ITPR1: variants seen among roughly 807,000 people sequenced by gnomAD.
The protein encoded by ITPR1 is inositol 1,4,5-trisphosphate-gated calcium channel ITPR1.
In ITPR1, 96 loss-of-function variants were observed where a neutral mutation model predicts 318.4. The ratio of observed to expected loss-of-function variants is 0.30; its 90% confidence interval spans 0.26 to 0.36. ITPR1 has a LOEUF of 0.36. Ranked by LOEUF, ITPR1 falls within the 10% of genes least tolerant of loss-of-function variation. ITPR1 has a pLI of 1.00. For synonymous variants in ITPR1, 1,312 were observed against 1,289.9 expected (o/e 1.02, Z -0.37); for missense variants, 2,440 against 3,460.2 (o/e 0.71, Z 7.40).
intron 46 of ITPR1, among the ~76,000 whole-genome samples, chr3:4,769,360 G>C (rs939298474): frequency 6.6e-6 from 1 of 152,198 alleles, no homozygotes; most frequent in Non-Finnish European, 1.5e-5. Context: ...TGATGTGTGT[G>C]TCTTGTAGCC....
rs555436654 is a variant in ITPR1 at position 4,673,376 on chromosome 3, C to T, written c.2445C>T (p.Ile815=). 2.5e-6 allele frequency: 4 copies of T among 1,604,690 alleles called. No homozygotes were observed. Among genetic ancestry groups the T allele is most frequent in the East Asian group, 2.2e-5 (1 of 44,700 alleles). Residue 815 remains isoleucine, a synonymous_variant, in exon 21 of 62, where the codon ATC becomes ATT. Coordinates refer to ENST00000649015, the MANE Select transcript of ITPR1 (RefSeq NM_001378452.1). ...TCTGGTCGGAGATTCCCTCGGAGAT[C>T]GCCATTGACGAGTGAGCCTGGCACC... ...ARLWSEIPSE[I]AIDDYDSSGA... is the part of the protein sequence containing the mutation.
At chr3:4,767,355 C>G (rs2045885111) in intron 45 of ITPR1, among the ~76,000 whole-genome samples, 1 of 152,244 alleles carries the variant, frequency 6.6e-6, no homozygotes, top group Non-Finnish European at 1.5e-5. Context: ...ACCCCTACTC[C>G]CAGAATATCT....
Position 4,768,508 on chromosome 3 carries a change from T to C in ITPR1, c.5726-3T>C. ...CCTTTCATGCCTTATGCTTGCTTTC[T>C]AGCTAAAGAGCCCACAACACAGATA... On this transcript the variant is annotated splice_polypyrimidine_tract_variant and splice_region_variant and intron_variant, in intron 45 of 61. Transcript: ENST00000649015. 1 of 1,600,572 alleles carries C rather than the reference T, an allele frequency of 6.2e-7. No individual in the cohort carries two copies. The highest frequency in any genetic ancestry group is 8.5e-7 in the Non-Finnish European group (1 of 1,170,688).
intron 54 of ITPR1, among the ~76,000 whole-genome samples, chr3:4,801,854 C>G (rs186793392): frequency 2.6e-5 from 4 of 152,164 alleles, no homozygotes; most frequent in African/African-American, 9.6e-5. Flanking sequence ...GAGAAGAGTT[C>G]TTTGGTTTCG....
intron 2 of ITPR1, among the ~76,000 whole-genome samples, chr3:4,515,260 C>T (rs902626755): frequency 6.6e-6 from 1 of 152,212 alleles, no homozygotes; most frequent in African/African-American, 2.4e-5. Flanking sequence ...TCATGCTGAT[C>T]ATTGCTGCAT....
intron 49 of ITPR1, chr3:4,782,277 G>C (rs1481431794): frequency 5.8e-6 from 1 of 172,886 alleles, no homozygotes; most frequent in East Asian, 1.5e-4. Flanking sequence ...TGTTGAGATA[G>C]GAAAAGTCTG....
chr3:4,775,137 T>A, intron 46 of ITPR1, 105 bp from the exon 47 acceptor site: 2 of 840,496 alleles, frequency 2.4e-6, no homozygotes, highest in Non-Finnish European at 4.1e-6. Context: ...GGCATCTCTC[T>A]GTATAATTAC....
At chr3:4,684,860 T>A (rs1336451691) in intron 29 of ITPR1, among the ~76,000 whole-genome samples, 1 of 152,240 alleles carries the variant, frequency 6.6e-6, no homozygotes, top group Admixed American at 6.5e-5. Flanking sequence ...GTTGAAGCCA[T>A]AATCCCCTGC....
chr3:4,738,168 C>G (rs1469066138), intron 44 of ITPR1, among the ~76,000 whole-genome samples: 1 of 152,076 alleles, frequency 6.6e-6, no homozygotes, highest in East Asian at 1.9e-4. Flanking sequence ...GTGACACAAG[C>G]TTACCTATGT....
At chr3:4,534,238 G>A (rs2083660360) in intron 4 of ITPR1, among the ~76,000 whole-genome samples, 1 of 152,076 alleles carries the variant, frequency 6.6e-6, no homozygotes, top group Admixed American at 6.6e-5. Flanking sequence ...GTACCCAATG[G>A]GTAATTTTTC....
chr3:4,625,219 C>CTTT (rs200304497), intron 4 of ITPR1, among the ~76,000 whole-genome samples: 4 of 134,176 alleles, frequency 3.0e-5, no homozygotes, highest in Admixed American at 7.5e-5. Context: ...ATTAAGTGAT[C>CTTT]TTTTTTTTTT....
intron 2 of ITPR1, among the ~76,000 whole-genome samples, chr3:4,498,408 A>G (rs1277057259): frequency 6.6e-6 from 1 of 152,128 alleles, no homozygotes; most frequent in African/African-American, 2.4e-5. Context: ...TGTTTGTGAC[A>G]TGTTGGAGGA....
intron 60 of ITPR1, among the ~76,000 whole-genome samples, chr3:4,834,016 C>T (rs985809404): frequency 5.9e-5 from 9 of 152,178 alleles, no homozygotes; most frequent in South Asian, 2.1e-4. Flanking sequence ...CCCAGCTTCC[C>T]GAGTGGCTAG....
At chr3:4,669,594 G>T (rs1253597563) in intron 18 of ITPR1, 60 bp from the exon 19 acceptor site, 3 of 1,525,296 alleles carry the variant, frequency 2.0e-6, no homozygotes, top group East Asian at 2.5e-5. Context: ...AAGAATTGGG[G>T]TCCAGGAGCC....
chr3:4,526,794 T>C (rs1386001079), intron 4 of ITPR1, among the ~76,000 whole-genome samples: 2 of 152,318 alleles, frequency 1.3e-5, no homozygotes, highest in South Asian at 2.1e-4. Context: ...CAAACACTTA[T>C]TGGGTAGTTC....
At chr3:4,734,390 A>G (rs745962125) in intron 43 of ITPR1, among the ~76,000 whole-genome samples, 8 of 152,190 alleles carry the variant, frequency 5.3e-5, no homozygotes, top group Non-Finnish European at 1.2e-4. Context: ...TGTGCTATAG[A>G]TATAAGGACA....
chr3:4,618,877 G>A (rs547527403), intron 4 of ITPR1, among the ~76,000 whole-genome samples: 2 of 152,274 alleles, frequency 1.3e-5, no homozygotes, highest in African/African-American at 4.8e-5. Flanking sequence ...AACAAGGGTT[G>A]GCATTTGAGC....
intron 40 of ITPR1, among the ~76,000 whole-genome samples, chr3:4,719,845 T>G (rs971932451): frequency 2.0e-5 from 3 of 152,118 alleles, no homozygotes; most frequent in Non-Finnish European, 4.4e-5. Context: ...TTGTTTGTTT[T>G]TTGGCAAGCA....
chr3:4,782,644 T>A lies in ITPR1; in HGVS notation c.6413T>A (p.Met2138Lys). 1.2e-6 allele frequency: 2 copies of A among 1,607,222 alleles called. No homozygotes were observed. Among genetic ancestry groups the A allele is most frequent in the South Asian group, 2.2e-5 (2 of 89,808 alleles). ...GTGGAAGTGATCAAGAAAGCCTACA[T>A]GCAAGGTGAAGTGGAATTTGAGGAT... is the stretch of plus-strand genomic sequence containing the variant. ...ELVEVIKKAY[M>K]QGEVEFEDGE... Residue 2138 changes from methionine (M) to lysine (K), a missense_variant, in exon 50 of 62, where the codon ATG becomes AAG. Around this residue, in one of 23 missense-constraint regions of ITPR1, gnomAD observed 49 missense variants for 47.2 expected, o/e 1.04. Coordinates refer to ENST00000649015, the MANE Select transcript of ITPR1 (RefSeq NM_001378452.1).
Sources: allele counts gnomAD v4.1 joint callset (sites outside exome capture counted in the v4.1 genomes callset), GRCh38; gene constraint gnomAD v4.1.1; regional missense constraint gnomAD v4.1.1; transcripts MANE v1.5; gene names NCBI Gene and HGNC (gene_info 2026-07-23, HGNC 2026-07-21).